NAALADL2: variants seen among roughly 807,000 people sequenced by gnomAD.
NAALADL2 encodes the protein N-acetylated alpha-linked acidic dipeptidase like 2.
Under a neutral mutation model 87.2 loss-of-function variants are expected in NAALADL2, and 76 were observed. The observed-to-expected ratio is 0.87, with a 90% confidence interval of 0.72 to 1.05. NAALADL2 has a LOEUF of 1.05. NAALADL2 is among the 50% of genes least tolerant of loss of function. The pLI, the probability that NAALADL2 is intolerant of heterozygous loss-of-function variation, is 0.00. For missense variants in NAALADL2, 1,089 were observed against 945.8 expected, an observed-to-expected ratio of 1.15 and a Z score of -1.99; for synonymous variants, 354 against 331.0, an observed-to-expected ratio of 1.07 and a Z score of -0.75.
chr3:175,585,117 T>C (rs970405835), intron 10 of NAALADL2, among the ~76,000 whole-genome samples: 2 of 151,816 alleles, frequency 1.3e-5, no homozygotes, highest in African/African-American at 2.4e-5. Flanking sequence ...CTATCCTTAT[T>C]CTATAAGCTT....
At chr3:175,691,847 G>A (rs1737087625) in intron 11 of NAALADL2, among the ~76,000 whole-genome samples, 1 of 151,994 alleles carries the variant, frequency 6.6e-6, no homozygotes, top group South Asian at 2.1e-4. Context: ...TAATTTAAAA[G>A]TTTTTCTTAT....
Position 174,821,854 on chromosome 3 carries a change from T to C in NAALADL2, c.-9+84108T>C, listed in dbSNP as rs140104381. On this transcript the variant is annotated intron_variant, in intron 3 of 3. Coordinates refer to the NAALADL2 transcript ENST00000434257. The stretch of plus-strand genomic sequence containing the variant: ...CACTAGCTTTATTTCTGGCAGTCTC[T>C]TTTTGGTCATTACATGTTTAACACA... 9.9e-4 allele frequency among the ~76,000 whole-genome samples: 151 copies of C among 152,318 alleles called. No individual in the cohort carries two copies. The Middle Eastern group carries it at 0.014, about 14-fold the overall frequency.
intron 9 of NAALADL2, among the ~76,000 whole-genome samples, chr3:175,571,665 T>C (rs1431163843): frequency 6.6e-6 from 1 of 152,184 alleles, no homozygotes; most frequent in Admixed American, 6.5e-5. Flanking sequence ...TTACAATCAC[T>C]GCAGGTCTGT....
intron 3 of NAALADL2, among the ~76,000 whole-genome samples, chr3:174,827,395 T>G (rs1447205305): frequency 6.6e-6 from 1 of 151,638 alleles, no homozygotes; most frequent in Non-Finnish European, 1.5e-5. Context: ...GAGGGGAGAG[T>G]ATTTTCTTGC....
At chr3:174,894,483 A>T (rs1731244288) in intron 1 of NAALADL2, among the ~76,000 whole-genome samples, 2 of 151,604 alleles carry the variant, frequency 1.3e-5, no homozygotes, top group African/African-American at 4.8e-5. Context: ...GGTCCCAGAC[A>T]CTTGGGAGGC....
At chr3:174,469,157 A>G (rs527239536) in intron 1 of NAALADL2, among the ~76,000 whole-genome samples, 31 of 152,318 alleles carry the variant, frequency 2.0e-4, no homozygotes, top group African/African-American at 6.0e-4. Flanking sequence ...GCTATCCTTC[A>G]TAGGATATAA....
chr3:175,655,165 T>A (rs1055995308), intron 11 of NAALADL2, among the ~76,000 whole-genome samples: 1 of 152,166 alleles, frequency 6.6e-6, no homozygotes, highest in Non-Finnish European at 1.5e-5. Flanking sequence ...TGCCATGTAC[T>A]CTTTGCATTT....
chr3:174,963,648 A>G (rs893227184), intron 1 of NAALADL2, among the ~76,000 whole-genome samples: 1 of 152,108 alleles, frequency 6.6e-6, no homozygotes, highest in African/African-American at 2.4e-5. Context: ...GGTTTTCTTC[A>G]CTGGTGAGAA....
chr3:174,746,778 A>G (rs1426593240), intron 3 of NAALADL2, among the ~76,000 whole-genome samples: 2 of 152,194 alleles, frequency 1.3e-5, no homozygotes, highest in African/African-American at 2.4e-5. Context: ...AAGACCACCT[A>G]TCTACAACCC....
chr3:174,728,535 A>G (rs1398514406), intron 2 of NAALADL2, among the ~76,000 whole-genome samples: 12 of 152,114 alleles, frequency 7.9e-5, no homozygotes, highest in Non-Finnish European at 8.8e-5. Flanking sequence ...GCTAATAAGT[A>G]TTAGGGCAAG....
rs183642925 is a variant in NAALADL2, at chr3:175,106,276, A to G, written c.545+8985A>G. ...AATGTTGGAACCATTAATTTTTCTAATTTATGTTGTATTAATTAGCGGGAT... is the reference window on the plus strand; with the variant it reads ...AATGTTGGAACCATTAATTTTTCTAGTTTATGTTGTATTAATTAGCGGGAT... On this transcript the variant is annotated intron_variant, in intron 2 of 13. Coordinates refer to ENST00000454872, the MANE Select transcript of NAALADL2 (RefSeq NM_207015.3). 2.5e-3 allele frequency among the ~76,000 whole-genome samples: 386 copies of G among 152,158 alleles called. 1 individual carries two copies. The highest frequency in any genetic ancestry group is 7.8e-3 in the African/African-American group (326 of 41,534).
intron 1 of NAALADL2, among the ~76,000 whole-genome samples, chr3:174,508,113 G>GTTTTTT (rs1560020933): frequency 5.4e-5 from 5 of 92,942 alleles, no homozygotes; most frequent in South Asian, 3.9e-4. Flanking sequence ...GATATCTAGT[G>GTTTTTT]GTTTTTTTTT....
chr3:175,447,407 G>A, intron 6 of NAALADL2, 35 bp downstream of exon 6: 1 of 1,447,598 alleles, frequency 6.9e-7, no homozygotes, highest in Non-Finnish European at 9.3e-7. Flanking sequence ...GTATTTTACA[G>A]TTTTTTTAAA....
At chr3:174,557,195 CT>C (rs1368418367) in intron 2 of NAALADL2, among the ~76,000 whole-genome samples, 3 of 151,982 alleles carry the variant, frequency 2.0e-5, no homozygotes, top group South Asian at 2.1e-4. Context: ...GGCCTTTTTA[CT>C]CTAATAATAA....
At chr3:175,071,678 A>G (rs974092439) in intron 1 of NAALADL2, among the ~76,000 whole-genome samples, 24 of 152,188 alleles carry the variant, frequency 1.6e-4, no homozygotes, top group Admixed American at 6.6e-4. Flanking sequence ...GGCCAAATGG[A>G]CACAGCCACC....
At chr3:175,131,851 GCGGC>G in intron 2 of NAALADL2, among the ~76,000 whole-genome samples, 6 of 76,724 alleles carry the variant, frequency 7.8e-5, no homozygotes, top group Admixed American at 4.0e-4. Context: ...CCCGGACGGG[GCGGC>G]TGGCCGGGCG....
chr3:175,572,062 G>A (rs1218155057), intron 9 of NAALADL2, among the ~76,000 whole-genome samples: 2 of 152,220 alleles, frequency 1.3e-5, no homozygotes, highest in Non-Finnish European at 1.5e-5. Flanking sequence ...GGAATGGTGA[G>A]TTAAGTCCTC....
At chr3:175,287,938 T>C (rs1314383299) in intron 4 of NAALADL2, among the ~76,000 whole-genome samples, 4 of 152,214 alleles carry the variant, frequency 2.6e-5, no homozygotes, top group African/African-American at 7.2e-5. Context: ...TCTATTGATA[T>C]TATTATACAG....
intron 4 of NAALADL2, among the ~76,000 whole-genome samples, chr3:175,311,279 A>G (rs1427626388): frequency 1.3e-5 from 2 of 151,772 alleles, no homozygotes; most frequent in Admixed American, 6.6e-5. Flanking sequence ...CATTGCAAAA[A>G]TTGTCAAATA....
Sources: allele counts gnomAD v4.1 joint callset (sites outside exome capture counted in the v4.1 genomes callset), GRCh38; gene constraint gnomAD v4.1.1; transcripts MANE v1.5; gene names NCBI Gene and HGNC (gene_info 2026-07-23, HGNC 2026-07-21).